DGKB: variants seen among roughly 807,000 people sequenced by gnomAD.
DGKB encodes 90 kDa diacylglycerol kinase.
A neutral mutation model predicts 114.3 loss-of-function variants in DGKB; 67 were observed. The observed-to-expected ratio is 0.59, with a 90% CI of 0.48 to 0.72. The LOEUF (loss-of-function observed/expected upper bound fraction) is 0.72. Ranked by LOEUF, DGKB falls within the 30% of genes least tolerant of loss-of-function variation. The pLI, the probability that DGKB is intolerant of heterozygous loss-of-function variation, is 0.00. For synonymous variants in DGKB, 398 were observed against 323.1 expected (o/e 1.23, Z -2.49); for missense variants, 907 against 975.2 (o/e 0.93, Z 0.93).
intron 2 of DGKB, among the ~76,000 whole-genome samples, chr7:14,776,883 T>A (rs1272992969): frequency 1.3e-5 from 2 of 152,060 alleles, no homozygotes; most frequent in Non-Finnish European, 2.9e-5. Context: ...ACAGCTTGCA[T>A]CATGTGCCTG....
intron 21 of DGKB, among the ~76,000 whole-genome samples, chr7:14,469,323 C>T (rs1487009720): frequency 6.6e-6 from 1 of 151,936 alleles, no homozygotes; most frequent in African/African-American, 2.4e-5. Flanking sequence ...AGGAAACAAC[C>T]AAATCAATAG....
intron 1 of DGKB, among the ~76,000 whole-genome samples, chr7:14,955,952 T>C (rs1786478048): frequency 6.6e-6 from 1 of 151,946 alleles, no homozygotes. Context: ...ATTGAAGAGG[T>C]AGGCATGAGG....
intron 4 of DGKB, among the ~76,000 whole-genome samples, chr7:14,739,745 T>A (rs140639151): frequency 1.5e-3 from 230 of 152,320 alleles, no homozygotes; most frequent in African/African-American, 5.3e-3. Context: ...ACTGCACCCC[T>A]TGCGTCACTC....
At chr7:14,282,792 G>T (rs1035480152) in intron 23 of DGKB, among the ~76,000 whole-genome samples, 3 of 152,176 alleles carry the variant, frequency 2.0e-5, no homozygotes, top group East Asian at 1.9e-4. Context: ...TGCAGAAAAG[G>T]CCTTTGACAA....
intron 2 of DGKB, among the ~76,000 whole-genome samples, chr7:14,820,659 T>C (rs906356205): frequency 2.0e-5 from 3 of 152,156 alleles, no homozygotes; most frequent in Admixed American, 1.3e-4. Context: ...CTAAATGTCA[T>C]TGGATGGATA....
chr7:14,754,050 G>T (rs1834501375), intron 3 of DGKB, 102 bp from the exon 4 acceptor site: 2 of 865,078 alleles, frequency 2.3e-6, no homozygotes, highest in Admixed American at 5.1e-5. Context: ...AAGTTTACAG[G>T]TTGATTTTAA....
intron 23 of DGKB, among the ~76,000 whole-genome samples, chr7:14,182,205 A>C (rs1275361415): frequency 6.6e-6 from 1 of 152,026 alleles, no homozygotes. Context: ...TATAAAATAA[A>C]ATAACACATT....
At chr7:14,970,772 G>C (rs900226152) in intron 1 of DGKB, among the ~76,000 whole-genome samples, 10 of 152,060 alleles carry the variant, frequency 6.6e-5, no homozygotes, top group Non-Finnish European at 2.9e-5. Context: ...CTTGAAGCTG[G>C]GAATACACTG....
At chr7:14,258,679 G>A (rs569068094) in intron 23 of DGKB, among the ~76,000 whole-genome samples, 1 of 152,294 alleles carries the variant, frequency 6.6e-6, no homozygotes, top group East Asian at 1.9e-4. Context: ...ATGGAAATAC[G>A]CATAAGCACA....
chr7:14,915,041 A>C (rs972271870), intron 1 of DGKB, among the ~76,000 whole-genome samples: 1 of 152,124 alleles, frequency 6.6e-6, no homozygotes, highest in Non-Finnish European at 1.5e-5. Context: ...GACAATTACA[A>C]ACATAAGCAT....
chr7:14,392,995 G>GTTTTGTTTTTTTTTTTTTTTTTTT (rs1554404749), intron 21 of DGKB, among the ~76,000 whole-genome samples: 3 of 60,548 alleles, frequency 5.0e-5, no homozygotes, highest in East Asian at 1.1e-3. Context: ...TTTTGTTTTT[G>GTTTTGTTTTTTTTTTTTTTTTTTT]TTTTTTTTTT....
At chr7:14,938,755 G>C (rs971367173) in intron 1 of DGKB, among the ~76,000 whole-genome samples, 12 of 152,064 alleles carry the variant, frequency 7.9e-5, no homozygotes, top group African/African-American at 2.9e-4. Context: ...TGCTGTACTT[G>C]CTGAGAAATG....
rs34040526 is a variant in DGKB at position 14,919,093 on chromosome 7, CAA to C, written c.-188+55601_-188+55602del. On this transcript the variant is annotated intron_variant, in intron 1 of 4. Coordinates refer to the DGKB transcript ENST00000437998. The stretch of plus-strand genomic sequence containing the variant: ...ACACACACACACACACACACACACA[CAA>C]ACACACACACACACACACACACACA... 6.8e-3 allele frequency among the ~76,000 whole-genome samples: 819 copies of C among 120,966 alleles called. 3 individuals carry two copies. The highest frequency in any genetic ancestry group is 0.016 in the African/African-American group (539 of 33,654). 79.4% of individuals were successfully genotyped at this position (120,966 alleles called of 152,430 possible).
At chr7:14,547,048 C>T (rs1318509695) in intron 20 of DGKB, among the ~76,000 whole-genome samples, 1 of 152,128 alleles carries the variant, frequency 6.6e-6, no homozygotes, top group Admixed American at 6.6e-5. Flanking sequence ...ATTAAGCTTG[C>T]CATAAATTCA....
chr7:14,185,456 A>G (rs908131606), intron 23 of DGKB, among the ~76,000 whole-genome samples: 7 of 152,160 alleles, frequency 4.6e-5, no homozygotes, highest in Admixed American at 2.6e-4. Context: ...GCAATCTACA[A>G]TTCAATGCAA....
chr7:14,767,757 G>A (rs1252765681), intron 2 of DGKB, among the ~76,000 whole-genome samples: 1 of 151,870 alleles, frequency 6.6e-6, no homozygotes, highest in Non-Finnish European at 1.5e-5. Flanking sequence ...AAATCAAAAT[G>A]TTTAAGGAAA....
intron 21 of DGKB, among the ~76,000 whole-genome samples, chr7:14,356,254 G>T (rs1247442351): frequency 6.6e-6 from 1 of 151,332 alleles, no homozygotes; most frequent in Non-Finnish European, 1.5e-5. Flanking sequence ...TTTTTTGAGG[G>T]GTTTTTTGAC....
intron 4 of DGKB, among the ~76,000 whole-genome samples, chr7:14,738,585 A>C (rs555808909): frequency 6.6e-6 from 1 of 152,372 alleles, no homozygotes; most frequent in South Asian, 2.1e-4. Context: ...TCTGGCACAT[A>C]GTAAACATTG....
chr7:14,883,045 T>G (rs1013932672), intron 1 of DGKB, among the ~76,000 whole-genome samples: 2 of 151,886 alleles, frequency 1.3e-5, no homozygotes, highest in Non-Finnish European at 2.9e-5. Flanking sequence ...TTAAGAAGAA[T>G]AGAAAAGTTG....
Sources: allele counts gnomAD v4.1 joint callset (sites outside exome capture counted in the v4.1 genomes callset), GRCh38; gene constraint gnomAD v4.1.1; transcripts MANE v1.5; gene names NCBI Gene and HGNC (gene_info 2026-07-23, HGNC 2026-07-21).